NRBP2: variants seen among roughly 807,000 people sequenced by gnomAD.
NRBP2 encodes the protein nuclear receptor binding protein 2.
NRBP2 carries 47 observed loss-of-function variants against 74.4 expected under a neutral mutation model. The ratio of observed to expected loss-of-function variants is 0.63; its 90% confidence interval spans 0.50 to 0.81. The LOEUF is 0.81. Ranked by LOEUF, NRBP2 falls within the 30% of genes least tolerant of loss-of-function variation. NRBP2 has a pLI of 0.00. For missense variants in NRBP2, 613 were observed against 690.1 expected (o/e 0.89, Z 1.25); for synonymous variants, 312 against 273.8 (o/e 1.14, Z -1.38).
downstream of NRBP2, among the ~76,000 whole-genome samples, chr8:143,831,949 T>C (rs1818178828): frequency 6.6e-6 from 1 of 152,240 alleles, no homozygotes; most frequent in African/African-American, 2.4e-5. Context: ...TTTTTGTAGC[T>C]AGTCGCACTG....
rs1460640214 is a variant in NRBP2, at chr8:143,840,964, C to A, written c.-130G>T. Reference sequence around the variant, plus strand: ...CGGCAGCCTAGAGCCCCAGCCCCGGCTCTGGGAATTGGGAGGCGCGGGCGC... The same window carrying A: ...CGGCAGCCTAGAGCCCCAGCCCCGGATCTGGGAATTGGGAGGCGCGGGCGC... On this transcript the variant is annotated 5_prime_UTR_variant, in exon 1 of 18. Transcript: ENST00000442628. This position sits in a 1 kb window ranked among gnomAD's most constrained non-coding sequence, Gnocchi z 5.7. The A allele has an allele frequency of 2.0e-5, 22 of 1,125,298 alleles. No homozygotes were observed. The highest frequency in any genetic ancestry group is 2.4e-5 in the Non-Finnish European group (22 of 920,388). 69.7% of individuals were successfully genotyped at this position (1,125,298 alleles called of 1,614,324 possible).
downstream of NRBP2, among the ~76,000 whole-genome samples, chr8:143,830,238 G>A (rs1385139456): frequency 6.6e-6 from 1 of 152,264 alleles, no homozygotes; most frequent in Non-Finnish European, 1.5e-5. Flanking sequence ...AAAGAGCTGG[G>A]ATATTGCAGA....
chr8:143,830,050 C>T (rs1175287977), downstream of NRBP2, among the ~76,000 whole-genome samples: 1 of 152,252 alleles, frequency 6.6e-6, no homozygotes, highest in African/African-American at 2.4e-5. Context: ...TAAGCTCAGG[C>T]ACCTTCAGCT....
At position 143,836,188 on chromosome 8, in the gene NRBP2, G is replaced by A. The variant is rs782663679; in HGVS notation, c.1264-8C>T. On this transcript the variant is annotated splice_region_variant and splice_polypyrimidine_tract_variant and intron_variant, in intron 14 of 17. Coordinates refer to ENST00000442628, the MANE Select transcript of NRBP2 (RefSeq NM_178564.4). ...GCACTGCATCTGGATGACCTGCAGCGGGGGAAGGCTGGGACTCACAAACCC... is the reference window on the plus strand; with the variant it reads ...GCACTGCATCTGGATGACCTGCAGCAGGGGAAGGCTGGGACTCACAAACCC... 29 of 1,543,240 alleles carry A rather than the reference G, an allele frequency of 1.9e-5. 1 individual carries two copies. Among genetic ancestry groups the A allele is most frequent in the South Asian group, 1.1e-4 (9 of 79,706 alleles).
chr8:143,838,955 A>G lies in NRBP2; in HGVS notation c.689-17T>C, dbSNP rs1818557262. 1 of 1,595,310 alleles carries G rather than the reference A, an allele frequency of 6.3e-7. No individual in the cohort carries two copies. The stretch of plus-strand genomic sequence containing the variant: ...CGGCCACCTCTGAACAGAAGAGAGC[A>G]CAGGACACGTAGGAGAGAAGCGCAG... On this transcript the variant is annotated splice_polypyrimidine_tract_variant and intron_variant, in intron 8 of 17. Coordinates refer to ENST00000442628, the MANE Select transcript of NRBP2 (RefSeq NM_178564.4).
chr8:143,832,031 G>A (rs1554650373), downstream of NRBP2, among the ~76,000 whole-genome samples: 2 of 152,252 alleles, frequency 1.3e-5, no homozygotes, highest in Non-Finnish European at 2.9e-5. Context: ...CTGTGTCTGT[G>A]TAGAAAGTAG....
Position 143,835,736 on chromosome 8 carries a change from G to A in NRBP2, c.1438-6C>T, listed in dbSNP as rs1818335175. On this transcript the variant is annotated splice_region_variant and splice_polypyrimidine_tract_variant and intron_variant, in intron 17 of 17. Coordinates refer to ENST00000442628, the MANE Select transcript of NRBP2 (RefSeq NM_178564.4). This position sits in a 1 kb window ranked among gnomAD's most constrained non-coding sequence, Gnocchi z 4.9. ...GCCAGCTTCATCCGGTCGTCCTGCG[G>A]AAGGAGGGAGGCATGGGGGACGGAG... The A allele has an allele frequency of 6.3e-7, 1 of 1,598,166 alleles. No individual in the cohort carries two copies. The highest frequency in any genetic ancestry group is 8.5e-7 in the Non-Finnish European group (1 of 1,174,110).
In NRBP2 at chr8:143,837,078, C is replaced by A; in HGVS notation, c.1224G>T (p.Lys408Asn). ...AGTCAAAGGGCTCTGGCGTCGGGGT[C>A]TTGGCCTTTTGGACCTCCTCCGGGG... ...APPPEEVQKA[K>N]TPTPEPFDSE... is the part of the protein sequence containing the mutation. The change falls in exon 14 of 18, where the codon AAG (lysine) becomes AAT (asparagine). Residue 408 changes from lysine (K) to asparagine (N), a missense_variant. Physicochemically the swap from Lys to Asn is moderately conservative, Grantham distance 94. Transcript: ENST00000442628. This position sits in a 1 kb window ranked among gnomAD's most constrained non-coding sequence, Gnocchi z 4.3. The A allele has an allele frequency of 3.1e-6, 5 of 1,611,954 alleles. No homozygotes were observed. Among genetic ancestry groups the A allele is most frequent in the Non-Finnish European group, 4.2e-6 (5 of 1,179,298 alleles).
chr8:143,834,385 C>G lies in NRBP2; in HGVS notation c.*1277G>C, dbSNP rs1204904594. On this transcript the variant is annotated 3_prime_UTR_variant, in exon 18 of 18. Coordinates refer to ENST00000442628, the MANE Select transcript of NRBP2 (RefSeq NM_178564.4). ...AAAGTGGGGACCTTGGCCCTGCCAC[C>G]GAAAGGATGTGGATTCTGCCAGCAG... 1.3e-5 allele frequency: 2 copies of G among 152,198 alleles called. No individual in the cohort carries two copies. The highest frequency in any genetic ancestry group is 2.4e-5 in the African/African-American group (1 of 41,446). The allele number at this position is 152,198 out of a possible 1,614,324, so 9.4% of individuals were successfully genotyped here. A position where few individuals can be genotyped will look rare whatever the true frequency, so the allele number is the denominator to read the frequency against.
In NRBP2 at chr8:143,836,149, C is replaced by T; in HGVS notation, c.1295G>A (p.Ser432Asn). The T allele has an allele frequency of 1.3e-6, 2 of 1,596,078 alleles. No individual in the cohort carries two copies. Among genetic ancestry groups the T allele is most frequent in the Non-Finnish European group, 1.7e-6 (2 of 1,174,140 alleles). The stretch of plus-strand genomic sequence containing the variant: ...CACATGCCAGCGCGCCTTGTCCTCG[C>T]TTCTCTCCAGGTTGCACTGCATCTG... ...VIQMQCNLER[S>N]EDKARWHLTL... Residue 432 changes from serine to asparagine, a missense_variant, in exon 15 of 18, where the codon AGC (serine) becomes AAC (asparagine). Coordinates refer to ENST00000442628, the MANE Select transcript of NRBP2 (RefSeq NM_178564.4).
Position 143,840,751 on chromosome 8 carries a change from G to C in NRBP2, c.84C>G (p.Ile28Met). Residue 28 changes from isoleucine to methionine, a missense_variant, in exon 1 of 18, where the codon ATC becomes ATG. Ile to Met is a conservative substitution (Grantham distance 10). Transcript: ENST00000442628. This position sits in a 1 kb window ranked among gnomAD's most constrained non-coding sequence, Gnocchi z 5.7. Reference sequence around the variant, plus strand: ...AGCGACCACACGGGCTTTCCTCCAGGATGTCGCTCTCGTCCTCGCTCTCGT... The same window carrying C: ...AGCGACCACACGGGCTTTCCTCCAGCATGTCGCTCTCGTCCTCGCTCTCGT... ...REDESEDESDILEESPCGRWQ... is the reference protein window; with the variant it reads ...REDESEDESDMLEESPCGRWQ... 1 of 1,514,752 alleles carries C rather than the reference G, an allele frequency of 6.6e-7. No individual in the cohort carries two copies. The highest frequency in any genetic ancestry group is 2.6e-5 in the East Asian group (1 of 37,926). 93.8% of individuals were successfully genotyped at this position (1,514,752 alleles called of 1,614,324 possible). A position where few individuals can be genotyped will look rare whatever the true frequency, so the allele number is the denominator to read the frequency against.
In NRBP2 at chr8:143,834,156, G is replaced by A. The variant is rs145148338; in HGVS notation, c.*1506C>T. 1.4e-3 allele frequency: 206 copies of A among 152,278 alleles called. No homozygotes were observed. Among genetic ancestry groups the A allele is most frequent in the African/African-American group, 4.6e-3 (192 of 41,546 alleles). The allele number at this position is 152,278 out of a possible 1,614,324, so 9.4% of individuals were successfully genotyped here. On this transcript the variant is annotated 3_prime_UTR_variant, in exon 18 of 18. Coordinates refer to ENST00000442628, the MANE Select transcript of NRBP2 (RefSeq NM_178564.4). ...GTTTAATATTAAAAACCTTGAGGAG[G>A]GAGATTATCATGTATTATCTGGCTG...
In NRBP2 at chr8:143,839,781, T is replaced by C. The variant is rs546389816; in HGVS notation, c.399A>G (p.Gln133=). ...TEYVSSGSLK[Q]FLKKTKKNHK... ...GGTTCTTCTTGGTCTTTTTGAGGAA[T>C]TGCTTGAGGCTGCCTGATGACACGT... is the stretch of plus-strand genomic sequence containing the variant. Residue 133 remains glutamine (Q), a synonymous_variant, in exon 4 of 18, where the codon CAA becomes CAG. Transcript: ENST00000442628. This position sits in a 1 kb window ranked among gnomAD's most constrained non-coding sequence, Gnocchi z 5.1. 4.6e-6 allele frequency: 7 copies of C among 1,536,022 alleles called. No homozygotes were observed. Among genetic ancestry groups the C allele is most frequent in the East Asian group, 2.4e-5 (1 of 40,900 alleles).
In NRBP2 at chr8:143,835,667, C is replaced by T; in HGVS notation, c.1501G>A (p.Ala501Thr). The T allele has an allele frequency of 6.3e-7, 1 of 1,591,328 alleles. No homozygotes were observed. Among genetic ancestry groups the T allele is most frequent in the Non-Finnish European group, 8.5e-7 (1 of 1,170,988 alleles). ...STFLKYRGTQ[A>T] Reference sequence around the variant, plus strand: ...CCTGGGGCTGGGGCTCCGGGTCAGGCCTGGGTCCCACGGTACTTGAGGAAG... The same window carrying T: ...CCTGGGGCTGGGGCTCCGGGTCAGGTCTGGGTCCCACGGTACTTGAGGAAG... Residue 501 changes from alanine (A) to threonine (T), a missense_variant, in exon 18 of 18, where the codon GCC (alanine) becomes ACC (threonine). This residue lies in a region of NRBP2 where 281 missense variants were observed against 260.9 expected (regional missense o/e 1.08). Coordinates refer to ENST00000442628, the MANE Select transcript of NRBP2 (RefSeq NM_178564.4). This position sits in a 1 kb window ranked among gnomAD's most constrained non-coding sequence, Gnocchi z 4.9.
rs1554651196 is a variant in NRBP2, at chr8:143,835,469, A to C, written c.*193T>G. The C allele has an allele frequency of 9.2e-6, 6 of 650,204 alleles. No individual in the cohort carries two copies. Among genetic ancestry groups the C allele is most frequent in the Non-Finnish European group, 8.2e-6 (3 of 365,796 alleles). 40.3% of individuals were successfully genotyped at this position (650,204 alleles called of 1,614,324 possible). On this transcript the variant is annotated 3_prime_UTR_variant, in exon 18 of 18. Transcript: ENST00000442628. This position sits in a 1 kb window ranked among gnomAD's most constrained non-coding sequence, Gnocchi z 4.9. ...ACCTGGGAGGCCTAACGGCTCCCCC[A>C]CACCCACCCCCCAACCCCTCGGCGC... is the stretch of plus-strand genomic sequence containing the variant.
At chr8:143,833,252 C>T (rs1440549722), downstream of NRBP2, 2 of 152,102 alleles carry the variant, frequency 1.3e-5, no homozygotes, top group African/African-American at 4.8e-5. Context: ...GAATCAATGA[C>T]AAACACATAT....
In NRBP2 at chr8:143,837,535, G is replaced by A. The variant is rs1309550658; in HGVS notation, c.974-26C>T. On this transcript the variant is annotated intron_variant, in intron 11 of 17. Transcript: ENST00000442628. The surrounding 1 kb of genome is among the most constrained non-coding windows in gnomAD (Gnocchi z 4.3). ...CTGCGGCCACAAGAGCATCAAGGCG[G>A]TGTGCTCAGGCCGTGGGTCCTGCAG... 1.2e-6 allele frequency: 2 copies of A among 1,601,158 alleles called. No individual in the cohort carries two copies. The highest frequency in any genetic ancestry group is 2.2e-5 in the East Asian group (1 of 44,458).
At position 143,837,480 on chromosome 8, in the gene NRBP2, TCTC is replaced by T. The variant is rs1554652216; in HGVS notation, c.1000_1002del (p.Glu334del). The stretch of plus-strand genomic sequence containing the variant: ...GCGTGCAGGTCCATGGCCTTGGTCT[TCTC>T]CTCCACCACATTCTCAGGCATGAGG... On this transcript the variant is annotated inframe_deletion, in exon 12 of 18. Coordinates refer to ENST00000442628, the MANE Select transcript of NRBP2 (RefSeq NM_178564.4). The surrounding 1 kb of genome is among the most constrained non-coding windows in gnomAD (Gnocchi z 4.3). The T allele has an allele frequency of 1.9e-6, 3 of 1,611,226 alleles. No individual in the cohort carries two copies. Among genetic ancestry groups the T allele is most frequent in the South Asian group, 1.1e-5 (1 of 90,350 alleles).
rs1261968910 is a variant in NRBP2 at position 143,840,379 on chromosome 8, G to A, written c.130-150C>T. ...GGAAGGTGGGGCTTGGAGGGTAGCT[G>A]CCCCCAGGAGCCAAGGGCTCCTATC... On this transcript the variant is annotated intron_variant, in intron 1 of 17. Coordinates refer to ENST00000442628, the MANE Select transcript of NRBP2 (RefSeq NM_178564.4). The surrounding 1 kb of genome is among the most constrained non-coding windows in gnomAD (Gnocchi z 5.7). The A allele has an allele frequency of 2.6e-5, 27 of 1,054,646 alleles. No individual in the cohort carries two copies. The highest frequency in any genetic ancestry group is 4.8e-5 in the African/African-American group (3 of 62,338). 65.3% of individuals were successfully genotyped at this position (1,054,646 alleles called of 1,614,324 possible).
Sources: gnomAD v4.1 joint callset for allele counts (sites outside exome capture counted in the v4.1 genomes callset) on GRCh38, gnomAD v4.1.1 for gene constraint, gnomAD v4.1.1 regional missense constraint, Gnocchi (gnomAD v3.1) non-coding constraint, MANE v1.5 for transcripts, NCBI Gene and HGNC (gene_info 2026-07-23, HGNC 2026-07-21) for gene names.